Variants in CNTN5 observed in about 807,000 individuals in gnomAD.
CNTN5 encodes contactin-5.
In CNTN5, 77 loss-of-function variants were observed where a neutral mutation model predicts 129.1. That is an observed-to-expected ratio of 0.60 (90% CI 0.50 to 0.72). The LOEUF is 0.72. CNTN5 is among the 30% of genes least tolerant of loss of function. The pLI is 0.00. For missense variants in CNTN5, 1,478 were observed against 1,328.8 expected (o/e 1.11, Z -1.75); for synonymous variants, 509 against 465.6 (o/e 1.09, Z -1.20).
chr11:99,342,968 AAAAACAAAAC>A (rs565338335), intron 2 of CNTN5, among the ~76,000 whole-genome samples: 3 of 152,174 alleles, frequency 2.0e-5, no homozygotes, highest in African/African-American at 2.4e-5. Context: ...ATACAAAACA[AAAAACAAAAC>A]AAAACAAAAC....
At chr11:99,082,166 A>G (rs923075918) in intron 1 of CNTN5, among the ~76,000 whole-genome samples, 1 of 150,260 alleles carries the variant, frequency 6.7e-6, no homozygotes, top group African/African-American at 2.5e-5. Flanking sequence ...TAATCATTGT[A>G]ACCGCCAGTG....
chr11:100,172,269 A>G (rs902090141), intron 13 of CNTN5, among the ~76,000 whole-genome samples: 4 of 123,362 alleles, frequency 3.2e-5, no homozygotes, highest in East Asian at 2.2e-4. Context: ...CTTCATGGGG[A>G]AAAAAAAAAT....
intron 2 of CNTN5, among the ~76,000 whole-genome samples, chr11:99,431,590 G>T (rs1219897793): frequency 6.6e-6 from 1 of 152,172 alleles, no homozygotes; most frequent in Non-Finnish European, 1.5e-5. Flanking sequence ...AGATAGCCCA[G>T]GCTAGTACTA....
intron 1 of CNTN5, among the ~76,000 whole-genome samples, chr11:99,078,915 G>C (rs1011297682): frequency 3.9e-5 from 6 of 151,916 alleles, no homozygotes; most frequent in Admixed American, 1.3e-4. Context: ...ATAATTTATT[G>C]TACATTTAAA....
In CNTN5 at chr11:99,237,167, A is replaced by C. The variant is rs1861313029; in HGVS notation, c.-209-88179A>C. Among the ~76,000 whole-genome samples the C allele has an allele frequency of 2.0e-5, 3 of 152,018 alleles. No homozygotes were observed. In the South Asian group the frequency reaches 6.2e-4, roughly 31 times the overall value. On this transcript the variant is annotated intron_variant, in intron 1 of 24. Transcript: ENST00000524871. ...AATATTACTACACGCAAAACATTGA[A>C]AAATATATATCTACTCTTTTTTTAT...
intron 1 of CNTN5, among the ~76,000 whole-genome samples, chr11:99,133,851 A>G (rs538485032): frequency 6.6e-6 from 1 of 152,312 alleles, no homozygotes; most frequent in South Asian, 2.1e-4. Flanking sequence ...CAATGTGGTG[A>G]TTCCTCAAAT....
chr11:100,297,011 C>T (rs1439719455), intron 18 of CNTN5, among the ~76,000 whole-genome samples: 3 of 151,468 alleles, frequency 2.0e-5, no homozygotes, highest in Non-Finnish European at 4.4e-5. Context: ...GAAATTTATT[C>T]CTTTGACACA....
At chr11:99,348,749 T>A (rs1040119673) in intron 2 of CNTN5, among the ~76,000 whole-genome samples, 1 of 152,210 alleles carries the variant, frequency 6.6e-6, no homozygotes, top group Non-Finnish European at 1.5e-5. Flanking sequence ...ACATATATTA[T>A]AATACATGTA....
At chr11:99,494,314 C>G (rs1297685394) in intron 2 of CNTN5, among the ~76,000 whole-genome samples, 1 of 152,180 alleles carries the variant, frequency 6.6e-6, no homozygotes, top group Non-Finnish European at 1.5e-5. Flanking sequence ...TACCCTTTTA[C>G]TTTCTCACCA....
chr11:100,229,191 C>T (rs1163853024), intron 16 of CNTN5, among the ~76,000 whole-genome samples: 1 of 137,470 alleles, frequency 7.3e-6, no homozygotes, highest in East Asian at 3.7e-4. Flanking sequence ...AGTTTATTAG[C>T]TTTTTACACA....
At chr11:99,047,172 T>C (rs1864246120) in intron 1 of CNTN5, among the ~76,000 whole-genome samples, 1 of 151,862 alleles carries the variant, frequency 6.6e-6, no homozygotes, top group African/African-American at 2.4e-5. Context: ...TATGAGTAAA[T>C]ATCAAAATGT....
intron 2 of CNTN5, among the ~76,000 whole-genome samples, chr11:99,553,137 G>C (rs1948550365): frequency 6.6e-6 from 1 of 152,104 alleles, no homozygotes; most frequent in African/African-American, 2.4e-5. Context: ...ATTATTCTTT[G>C]AATGTAATAG....
At chr11:99,969,137 T>A (rs1304484268) in intron 8 of CNTN5, among the ~76,000 whole-genome samples, 1 of 151,950 alleles carries the variant, frequency 6.6e-6, no homozygotes, top group Admixed American at 6.6e-5. Context: ...TAAAGAGAAT[T>A]TTTTATCAGA....
chr11:99,563,735 C>T (rs559393609), intron 3 of CNTN5, among the ~76,000 whole-genome samples: 1 of 152,118 alleles, frequency 6.6e-6, no homozygotes, highest in East Asian at 1.9e-4. Context: ...ATGGGAATGA[C>T]TTGGTCATGT....
At chr11:99,792,538 G>GGTGTGTGTGTGTGTGT (rs111267307) in intron 3 of CNTN5, among the ~76,000 whole-genome samples, 29 of 127,824 alleles carry the variant, frequency 2.3e-4, no homozygotes, top group South Asian at 5.1e-4. Context: ...CCTGAAGAGG[G>GGTGTGTGTGTGTGTGT]GTGTGTGTGT....
chr11:99,384,989 A>G (rs1246526632), intron 2 of CNTN5, among the ~76,000 whole-genome samples: 1 of 152,202 alleles, frequency 6.6e-6, no homozygotes, highest in Non-Finnish European at 1.5e-5. Context: ...ATTAAAAAAT[A>G]AAAATCATTC....
At chr11:100,227,998 GA>G (rs1317333085) in intron 16 of CNTN5, among the ~76,000 whole-genome samples, 2 of 152,158 alleles carry the variant, frequency 1.3e-5, no homozygotes, top group Non-Finnish European at 2.9e-5. Flanking sequence ...TTATTTTATA[GA>G]AATTAATGTT....
chr11:99,627,888 T>C lies in CNTN5; in HGVS notation c.55+71619T>C, dbSNP rs148782432. Among the ~76,000 whole-genome samples the C allele has an allele frequency of 2.9e-3, 434 of 150,864 alleles. 2 individuals are homozygous for C. The highest frequency in any genetic ancestry group is 9.8e-3 in the African/African-American group (402 of 40,980). ...GATTATTCCCCTGTTCCTAGGTTTG[T>C]TGACCATTCACCAAAATAAAATTGT... On this transcript the variant is annotated intron_variant, in intron 3 of 24. Coordinates refer to ENST00000524871, the MANE Select transcript of CNTN5 (RefSeq NM_014361.4).
intron 3 of CNTN5, among the ~76,000 whole-genome samples, chr11:99,628,437 A>T (rs755227197): frequency 2.0e-5 from 3 of 152,128 alleles, no homozygotes; most frequent in South Asian, 4.1e-4. Flanking sequence ...TATTCCTGAG[A>T]TCATGTTGCA....
Sources: gnomAD v4.1 joint callset for allele counts (sites outside exome capture counted in the v4.1 genomes callset) on GRCh38, gnomAD v4.1.1 for gene constraint, MANE v1.5 for transcripts, NCBI Gene and HGNC (gene_info 2026-07-23, HGNC 2026-07-21) for gene names.